ASXL1: variants seen among roughly 807,000 people sequenced by gnomAD.
The protein encoded by ASXL1 is polycomb group protein ASXL1.
Under a neutral mutation model 89.1 loss-of-function variants are expected in ASXL1, and 65 were observed. That is an observed-to-expected ratio of 0.73 (90% CI 0.60 to 0.90). The LOEUF is 0.90. Ranked by LOEUF, ASXL1 falls within the 40% of genes least tolerant of loss-of-function variation. The pLI, the probability that ASXL1 is intolerant of heterozygous loss-of-function variation, is 0.00. For synonymous variants in ASXL1, 739 were observed against 746.9 expected (o/e 0.99, Z 0.17); for missense variants, 1,786 against 1,942.9 (o/e 0.92, Z 1.52).
At chr20:32,432,424 T>G (rs2011546298) in intron 10 of ASXL1, 1 of 206,022 alleles carries the variant, frequency 4.9e-6, no homozygotes, top group African/African-American at 2.3e-5. Context: ...ATACCCAGCT[T>G]CCAGATTCCC....
chr20:32,437,887 G>C lies in ASXL1; in HGVS notation c.*549G>C, dbSNP rs1405753718. The stretch of plus-strand genomic sequence containing the variant: ...CAGTTGAGTCATTTGCCAGTTGACG[G>C]AGCAAGTTTGACCTTGGTTCTGTTG... On this transcript the variant is annotated 3_prime_UTR_variant, in exon 13 of 13. Coordinates refer to ENST00000375687, the MANE Select transcript of ASXL1 (RefSeq NM_015338.6). 5.0e-5 allele frequency: 12 copies of C among 240,648 alleles called. No individual in the cohort carries two copies. Among genetic ancestry groups the C allele is most frequent in the Non-Finnish European group, 9.8e-5 (12 of 122,442 alleles). The allele number at this position is 240,648 out of a possible 1,614,324, so 14.9% of individuals were successfully genotyped here. A position where few individuals can be genotyped will look rare whatever the true frequency, so the allele number is the denominator to read the frequency against.
chr20:32,410,313 A>C (rs1229633444), intron 4 of ASXL1, among the ~76,000 whole-genome samples: 1 of 152,034 alleles, frequency 6.6e-6, no homozygotes, highest in Non-Finnish European at 1.5e-5. Context: ...TCCTTTATTT[A>C]GTTTTTAGAA....
At chr20:32,425,569 G>C (rs145849091) in intron 4 of ASXL1, among the ~76,000 whole-genome samples, 1 of 152,228 alleles carries the variant, frequency 6.6e-6, no homozygotes, top group African/African-American at 2.4e-5. Flanking sequence ...GCATTATTTT[G>C]CATTTTCCTT....
At position 32,437,943 on chromosome 20, in the gene ASXL1, G is replaced by T. The variant is rs143612702; in HGVS notation, c.*605G>T. On this transcript the variant is annotated 3_prime_UTR_variant, in exon 13 of 13. Transcript: ENST00000375687. ...GCAAATTTGGAACTTTTCTGTCTCA[G>T]TGTGATCCACTAACCCACAGGATCA... The T allele has an allele frequency of 1.3e-4, 32 of 239,102 alleles. No homozygotes were observed. The East Asian group carries it at 1.7e-3, about 13-fold the overall frequency. The allele number at this position is 239,102 out of a possible 1,614,324, so 14.8% of individuals were successfully genotyped here. A position where few individuals can be genotyped will look rare whatever the true frequency, so the allele number is the denominator to read the frequency against.
intron 4 of ASXL1, among the ~76,000 whole-genome samples, chr20:32,397,209 C>CTT (rs1254055441): frequency 1.6e-5 from 1 of 63,196 alleles, no homozygotes; most frequent in African/African-American, 5.7e-5. Context: ...CATGCCTGGC[C>CTT]TTTTTTTTTT....
chr20:32,429,028 G>A lies in ASXL1; in HGVS notation c.472-310G>A. 1 of 399,632 alleles carries A rather than the reference G, an allele frequency of 2.5e-6. No homozygotes were observed. The highest frequency in any genetic ancestry group is 2.1e-5 in the South Asian group (1 of 47,376). 24.8% of individuals were successfully genotyped at this position (399,632 alleles called of 1,614,324 possible). ...AGAAGTGTGGTTAGTGCAGAGTAGA[G>A]AGAACAGGAGATTGGGAGTGAGCAG... On this transcript the variant is annotated intron_variant, in intron 6 of 12. Transcript: ENST00000375687. This position sits in a 1 kb window ranked among gnomAD's most constrained non-coding sequence, Gnocchi z 4.9.
intron 4 of ASXL1, among the ~76,000 whole-genome samples, chr20:32,417,043 C>T (rs149483817): frequency 2.6e-5 from 4 of 152,114 alleles, no homozygotes; most frequent in Non-Finnish European, 5.9e-5. Context: ...AGTAGTAAAA[C>T]CTGACCTGTG....
chr20:32,411,038 A>T (rs1316353035), intron 4 of ASXL1, among the ~76,000 whole-genome samples: 2 of 74,776 alleles, frequency 2.7e-5, no homozygotes, highest in African/African-American at 7.8e-5. Context: ...TCTCAAAAAA[A>T]AAAAAAAATA....
intron 4 of ASXL1, among the ~76,000 whole-genome samples, chr20:32,416,159 TTTGTG>T (rs1476430578): frequency 1.3e-5 from 2 of 152,200 alleles, no homozygotes; most frequent in African/African-American, 4.8e-5. Context: ...GACATTTTTC[TTTGTG>T]TTGGGAACAT....
Position 32,432,913 on chromosome 20 carries a change from G to A in ASXL1, c.1013G>A (p.Arg338Gln), listed in dbSNP as rs763319023. The A allele has an allele frequency of 5.0e-6, 8 of 1,613,936 alleles. No homozygotes were observed. Among genetic ancestry groups the A allele is most frequent in the Admixed American group, 3.3e-5 (2 of 60,010 alleles). ...EFTHEMQVRI[R>Q]QEMEKEKKVE... ...ACTCATGAGATGCAAGTCAGGATAC[G>A]ACAGGAAATGGAGAAGGAAAAGAAG... is the stretch of plus-strand genomic sequence containing the variant. Residue 338 changes from arginine to glutamine, a missense_variant, in exon 11 of 13, where the codon CGA becomes CAA. Arg to Gln is a conservative substitution (Grantham distance 43). Around this residue, in one of 3 missense-constraint regions of ASXL1, gnomAD observed 332 missense variants for 449.7 expected, o/e 0.74. Coordinates refer to ENST00000375687, the MANE Select transcript of ASXL1 (RefSeq NM_015338.6).
intron 4 of ASXL1, among the ~76,000 whole-genome samples, chr20:32,411,474 C>T (rs766409446): frequency 9.3e-4 from 141 of 151,018 alleles, no homozygotes; most frequent in Admixed American, 2.8e-3. Flanking sequence ...GCGATCCACC[C>T]GCCTCAGCCT....
Position 32,432,843 on chromosome 20 carries a change from C to T in ASXL1, c.980-37C>T, listed in dbSNP as rs778771506. Reference sequence around the variant, plus strand: ...GTCCATAAGACAGACATTAATATCCCGAATGCACTTACTAGAAGAGGTTTA... The same window carrying T: ...GTCCATAAGACAGACATTAATATCCTGAATGCACTTACTAGAAGAGGTTTA... On this transcript the variant is annotated intron_variant, in intron 10 of 12. Coordinates refer to ENST00000375687, the MANE Select transcript of ASXL1 (RefSeq NM_015338.6). 2.0e-5 allele frequency: 32 copies of T among 1,609,582 alleles called. No individual in the cohort carries two copies. The East Asian group carries it at 3.1e-4, about 16-fold the overall frequency.
rs143594461 is a variant in ASXL1, at chr20:32,366,459, G to A, written c.133G>A (p.Glu45Lys). ...LQVIEAEGLK[E>K]MRSGTSPLAC... is the part of the protein sequence containing the mutation. ...GGTCATAGAGGCAGAAGGACTAAAG[G>A]AAATGAGGTTTGTATTGTTCTTGTT... is the stretch of plus-strand genomic sequence containing the variant. The change falls in exon 2 of 13, where the codon GAA becomes AAA. Residue 45 changes from glutamate to lysine, a missense_variant. Physicochemically the swap from Glu to Lys is moderately conservative, Grantham distance 56. Coordinates refer to ENST00000375687, the MANE Select transcript of ASXL1 (RefSeq NM_015338.6). The A allele has an allele frequency of 6.2e-7, 1 of 1,613,872 alleles. No homozygotes were observed. The highest frequency in any genetic ancestry group is 8.5e-7 in the Non-Finnish European group (1 of 1,179,770).
intron 4 of ASXL1, among the ~76,000 whole-genome samples, chr20:32,383,588 G>A (rs535179959): frequency 2.6e-5 from 4 of 152,152 alleles, no homozygotes; most frequent in African/African-American, 9.7e-5. Context: ...GATTACAGGC[G>A]TGAGCCACTG....
intron 4 of ASXL1, among the ~76,000 whole-genome samples, chr20:32,377,969 A>ATT (rs2048414376): frequency 2.0e-5 from 1 of 49,804 alleles, no homozygotes; most frequent in Non-Finnish European, 4.0e-5. Flanking sequence ...TAAAGTTTTG[A>ATT]CTCTGTGTGT....
intron 4 of ASXL1, among the ~76,000 whole-genome samples, chr20:32,413,795 C>A (rs1431679915): frequency 1.3e-5 from 2 of 152,196 alleles, no homozygotes; most frequent in South Asian, 4.1e-4. Context: ...CCTGGTATGT[C>A]CTGCCTTTCC....
chr20:32,382,716 G>A (rs2048510064), intron 4 of ASXL1, among the ~76,000 whole-genome samples: 2 of 152,000 alleles, frequency 1.3e-5, no homozygotes, highest in Admixed American at 6.6e-5. Flanking sequence ...AGCCTGGGAA[G>A]TTGCGACTGC....
intron 4 of ASXL1, among the ~76,000 whole-genome samples, chr20:32,413,263 C>T (rs566597179): frequency 3.3e-5 from 5 of 152,038 alleles, no homozygotes; most frequent in South Asian, 2.1e-4. Flanking sequence ...AAGAATACAC[C>T]GGAAACAATG....
intron 1 of ASXL1, among the ~76,000 whole-genome samples, chr20:32,361,141 GA>G (rs2048103344): frequency 1.3e-5 from 2 of 152,302 alleles, no homozygotes; most frequent in South Asian, 4.1e-4. Context: ...TTGAGGCTAG[GA>G]ATTCGAGATG....
Sources: gnomAD v4.1 joint callset for allele counts (sites outside exome capture counted in the v4.1 genomes callset) on GRCh38, gnomAD v4.1.1 for gene constraint, gnomAD v4.1.1 regional missense constraint, Gnocchi (gnomAD v3.1) non-coding constraint, MANE v1.5 for transcripts, NCBI Gene and HGNC (gene_info 2026-07-23, HGNC 2026-07-21) for gene names.